The following CCDC141 variants were observed in gnomAD, a reference collection of about 807,000 sequenced individuals.
The protein encoded by CCDC141 is coiled-coil domain containing 141.
Under a neutral mutation model 181.0 loss-of-function variants are expected in CCDC141, and 168 were observed. The observed-to-expected ratio is 0.93, with a 90% CI of 0.82 to 1.05. The LOEUF (loss-of-function observed/expected upper bound fraction) is 1.05. CCDC141 is among the 50% of genes least tolerant of loss of function. CCDC141 has a pLI of 0.00. For synonymous variants in CCDC141, 666 were observed against 642.3 expected, an observed-to-expected ratio of 1.04 and a Z score of -0.56; for missense variants, 1,902 against 1,788.5, an observed-to-expected ratio of 1.06 and a Z score of -1.14.
chr2:179,027,774 C>T (rs1484920798), intron 2 of CCDC141, among the ~76,000 whole-genome samples: 2 of 151,628 alleles, frequency 1.3e-5, no homozygotes, highest in Non-Finnish European at 2.9e-5. Context: ...TGAGGCCTCC[C>T]CAACCATGTG....
intron 2 of CCDC141, among the ~76,000 whole-genome samples, chr2:179,044,445 G>T (rs1279766162): frequency 1.3e-5 from 2 of 152,184 alleles, no homozygotes; most frequent in East Asian, 3.8e-4. Flanking sequence ...CTACTGGATG[G>T]ATTTAGGTAT....
intron 22 of CCDC141, 92 bp downstream of exon 22, chr2:178,845,530 TAAGA>T: frequency 1.4e-6 from 1 of 721,598 alleles, no homozygotes; most frequent in East Asian, 2.5e-5. Flanking sequence ...TTTGGATAGA[TAAGA>T]AAGCTGCAAT....
chr2:178,936,342 T>C (rs923064340), intron 6 of CCDC141, among the ~76,000 whole-genome samples: 10 of 152,208 alleles, frequency 6.6e-5, no homozygotes, highest in Non-Finnish European at 1.2e-4. Flanking sequence ...CCAGCATTTA[T>C]TGAATAGGGA....
chr2:178,820,904 T>C, the CCDC141 span, among the ~76,000 whole-genome samples: 3 of 152,200 alleles, frequency 2.0e-5, no homozygotes, highest in Non-Finnish European at 4.4e-5. Context: ...TATCTATCTA[T>C]GAAGTTCCTC....
At chr2:178,959,315 A>G (rs966265828) in intron 5 of CCDC141, among the ~76,000 whole-genome samples, 1 of 152,090 alleles carries the variant, frequency 6.6e-6, no homozygotes, top group African/African-American at 2.4e-5. Flanking sequence ...AAAAATAAAA[A>G]ATAAAACACT....
At chr2:178,920,216 A>G (rs1009243705) in intron 6 of CCDC141, among the ~76,000 whole-genome samples, 3 of 152,214 alleles carry the variant, frequency 2.0e-5, no homozygotes, top group Admixed American at 6.5e-5. Flanking sequence ...ACAAGATTTC[A>G]GAAGTCTCAG....
intron 2 of CCDC141, among the ~76,000 whole-genome samples, chr2:178,993,153 G>A (rs914549584): frequency 6.6e-6 from 1 of 152,094 alleles, no homozygotes; most frequent in Non-Finnish European, 1.5e-5. Context: ...AGCCAACATG[G>A]TACAATAAAA....
At chr2:178,964,832 G>A (rs746096833) in intron 4 of CCDC141, among the ~76,000 whole-genome samples, 2 of 152,114 alleles carry the variant, frequency 1.3e-5, no homozygotes, top group Non-Finnish European at 2.9e-5. Context: ...TTTAAAGACT[G>A]TATATCAGCA....
intron 6 of CCDC141, among the ~76,000 whole-genome samples, chr2:178,933,198 T>A (rs1297696905): frequency 6.6e-6 from 1 of 152,194 alleles, no homozygotes; most frequent in Non-Finnish European, 1.5e-5. Flanking sequence ...CTATACACAA[T>A]TTTCAGTTTT....
chr2:178,898,464 T>C (rs1687519874), intron 8 of CCDC141, among the ~76,000 whole-genome samples: 1 of 152,208 alleles, frequency 6.6e-6, no homozygotes, highest in Non-Finnish European at 1.5e-5. Flanking sequence ...ACAACTGTTA[T>C]TACATACACT....
At chr2:178,906,427 C>T (rs1198569505) in intron 7 of CCDC141, among the ~76,000 whole-genome samples, 1 of 152,164 alleles carries the variant, frequency 6.6e-6, no homozygotes, top group Non-Finnish European at 1.5e-5. Flanking sequence ...CCTGATATCT[C>T]ACCTAATGTC....
In CCDC141 at chr2:178,837,135, G is replaced by A. The variant is rs753231074; in HGVS notation, c.4084C>T (p.Leu1362=). ...DNNFTKTQDR[L]HASSDAFSGL... ...GAGAATGCATCAGAGGAAGCATGCA[G>A]CCTATCTTGGGTTTTAGTGAAGTTA... is the stretch of plus-strand genomic sequence containing the variant. The change falls in exon 23 of 24, where the codon CTG becomes TTG. Residue 1362 remains leucine (L), a synonymous_variant. Transcript: ENST00000443758. 7 of 1,613,840 alleles carry A rather than the reference G, an allele frequency of 4.3e-6. No individual in the cohort carries two copies. The highest frequency in any genetic ancestry group is 5.1e-6 in the Non-Finnish European group (6 of 1,179,966).
At chr2:178,978,150 C>T (rs1167437470) in intron 3 of CCDC141, among the ~76,000 whole-genome samples, 2 of 152,126 alleles carry the variant, frequency 1.3e-5, no homozygotes, top group African/African-American at 4.8e-5. Context: ...AGTAATCCTA[C>T]CATCAGGTAA....
chr2:178,983,344 A>T (rs1038104288), intron 2 of CCDC141, among the ~76,000 whole-genome samples: 6 of 152,232 alleles, frequency 3.9e-5, no homozygotes, highest in African/African-American at 1.4e-4. Context: ...CCAAAAGTAG[A>T]TAAAACCACG....
rs545344112 is a variant in CCDC141, at chr2:178,835,274, T to C, written c.4326-834A>G. ...TAATATCACCTCCTGATGAGATCAC[T>C]TCATTTAATTTTTTTGAAGCAATTT... On this transcript the variant is annotated intron_variant, in intron 23 of 23. Coordinates refer to ENST00000443758, the MANE Select transcript of CCDC141 (RefSeq NM_173648.4). Among the ~76,000 whole-genome samples the C allele has an allele frequency of 3.3e-5, 5 of 152,322 alleles. No individual in the cohort carries two copies. In the East Asian group the frequency reaches 9.6e-4, roughly 29 times the overall value.
intron 22 of CCDC141, among the ~76,000 whole-genome samples, chr2:178,838,272 C>A (rs942526257): frequency 6.6e-6 from 1 of 152,176 alleles, no homozygotes; most frequent in Non-Finnish European, 1.5e-5. Context: ...CCACTTCAAC[C>A]ATGTTTAAGT....
At chr2:179,014,813 G>A (rs573984126) in intron 2 of CCDC141, among the ~76,000 whole-genome samples, 17 of 151,768 alleles carry the variant, frequency 1.1e-4, no homozygotes, top group Middle Eastern at 3.4e-3. Flanking sequence ...ACACTTCTAC[G>A]CTGCTGGTGG....
intron 19 of CCDC141, among the ~76,000 whole-genome samples, chr2:178,854,250 C>T (rs1280433866): frequency 1.3e-5 from 2 of 152,284 alleles, no homozygotes; most frequent in South Asian, 2.1e-4. Flanking sequence ...TGTGGCTGGG[C>T]GTGGTGGCTC....
rs142953594 is a variant in CCDC141 at position 178,856,652 on chromosome 2, G to A, written c.2725-255C>T. Among the ~76,000 whole-genome samples, 726 of 151,626 alleles carry A rather than the reference G, an allele frequency of 4.8e-3. 7 individuals carry two copies. The highest frequency in any genetic ancestry group is 0.017 in the African/African-American group (686 of 41,304). On this transcript the variant is annotated intron_variant, in intron 17 of 23. Transcript: ENST00000443758. Reference sequence around the variant, plus strand: ...CACTCAGGCTGGAGTGCATTGGCACGATCTTGACTCACTGCAACCTCTGCC... The same window carrying A: ...CACTCAGGCTGGAGTGCATTGGCACAATCTTGACTCACTGCAACCTCTGCC...
Sources: allele counts gnomAD v4.1 joint callset (sites outside exome capture counted in the v4.1 genomes callset), GRCh38; gene constraint gnomAD v4.1.1; transcripts MANE v1.5; gene names NCBI Gene and HGNC (gene_info 2026-07-23, HGNC 2026-07-21).